The following OR8D4 variants were observed in gnomAD, a reference collection of about 807,000 sequenced individuals.
OR8D4 encodes the protein olfactory receptor 8D4.
For missense variants in OR8D4, 359 were observed against 372.6 expected (o/e 0.96, Z 0.30); for synonymous variants, 141 against 134.8 (o/e 1.05, Z -0.32).
intron 1 of OR8D4, among the ~76,000 whole-genome samples, chr11:123,905,641 C>G (rs1471713932): frequency 2.6e-5 from 4 of 152,108 alleles, no homozygotes; most frequent in African/African-American, 9.7e-5. Context: ...CAGCCTTTGG[C>G]AAATGTGTCA....
chr11:123,907,035 A>G lies in OR8D4; in HGVS notation c.604A>G (p.Ile202Val). Residue 202 changes from isoleucine to valine, a missense_variant, in exon 2 of 2, where the codon ATT becomes GTT. By Grantham distance (29) the Ile-to-Val change is conservative. Coordinates refer to ENST00000641687, the MANE Select transcript of OR8D4 (RefSeq NM_001005197.2). Reference protein sequence around the residue: ...TYIDELLIFVIGGFNMVATSL... With the variant: ...TYIDELLIFVVGGFNMVATSL... ...TATTGATGAGCTTTTGATTTTTGTCATTGGTGGATTTAACATGGTGGCCAC... is the reference window on the plus strand; with the variant it reads ...TATTGATGAGCTTTTGATTTTTGTCGTTGGTGGATTTAACATGGTGGCCAC... 1 of 1,614,086 alleles carries G rather than the reference A, an allele frequency of 6.2e-7. No homozygotes were observed. Among genetic ancestry groups the G allele is most frequent in the Non-Finnish European group, 8.5e-7 (1 of 1,179,948 alleles).
chr11:123,906,635 T>C lies in OR8D4; in HGVS notation c.204T>C (p.Phe68=). The change falls in exon 2 of 2, where the codon TTT becomes TTC. Residue 68 remains phenylalanine, a synonymous_variant. Coordinates refer to ENST00000641687, the MANE Select transcript of OR8D4 (RefSeq NM_001005197.2). ...PMYYFLSSLS[F]LDFCYSSVIT... is the part of the protein sequence containing the mutation. ...ACTATTTCCTGAGTAGTTTGTCTTT[T>C]TTAGATTTCTGCTATTCTTCTGTCA... 1 of 1,613,910 alleles carries C rather than the reference T, an allele frequency of 6.2e-7. No homozygotes were observed. The highest frequency in any genetic ancestry group is 8.5e-7 in the Non-Finnish European group (1 of 1,179,768).
In OR8D4 at chr11:123,907,145, T is replaced by C. The variant is rs1386723875; in HGVS notation, c.714T>C (p.Phe238=). 2 of 1,613,806 alleles carry C rather than the reference T, an allele frequency of 1.2e-6. No homozygotes were observed. Among genetic ancestry groups the C allele is most frequent in the African/African-American group, 1.3e-5 (1 of 74,904 alleles). ...CTAAAAAGGGCAGGTGCAAAGCGTTTAGCACCTGTAGCTCCCACCTGACAG... is the reference window on the plus strand; with the variant it reads ...CTAAAAAGGGCAGGTGCAAAGCGTTCAGCACCTGTAGCTCCCACCTGACAG... The part of the protein sequence containing the change: ...IHSKKGRCKA[F]STCSSHLTAV... The change falls in exon 2 of 2, where the codon TTT becomes TTC. Residue 238 remains phenylalanine, a synonymous_variant. Coordinates refer to ENST00000641687, the MANE Select transcript of OR8D4 (RefSeq NM_001005197.2).
Position 123,907,969 on chromosome 11 carries a change from A to G in OR8D4, c.*593A>G, listed in dbSNP as rs1331662160. On this transcript the variant is annotated 3_prime_UTR_variant, in exon 2 of 2. Transcript: ENST00000641687. ...AATCCAAGCCCAAAAGGAAATCATC[A>G]TCATGGTGTACTGCATAGTCATATC... 2.0e-5 allele frequency: 3 copies of G among 152,138 alleles called. No individual in the cohort carries two copies. Among genetic ancestry groups the G allele is most frequent in the Non-Finnish European group, 2.9e-5 (2 of 68,032 alleles). The allele number at this position is 152,138 out of a possible 1,614,324, so 9.4% of individuals were successfully genotyped here. A position where few individuals can be genotyped will look rare whatever the true frequency, so the allele number is the denominator to read the frequency against.
rs558013874 is a variant in OR8D4 at position 123,907,559 on chromosome 11, A to C, written c.*183A>C. 3 of 340,812 alleles carry C rather than the reference A, an allele frequency of 8.8e-6. No homozygotes were observed. Among genetic ancestry groups the C allele is most frequent in the Non-Finnish European group, 1.6e-5 (3 of 188,648 alleles). 21.1% of individuals were successfully genotyped at this position (340,812 alleles called of 1,614,324 possible). On this transcript the variant is annotated 3_prime_UTR_variant, in exon 2 of 2. Coordinates refer to ENST00000641687, the MANE Select transcript of OR8D4 (RefSeq NM_001005197.2). ...CCGGTGTTCAAGACCAGCCTGGCCAAGATGATGAAACCCCATCACTATTAA... is the reference window on the plus strand; with the variant it reads ...CCGGTGTTCAAGACCAGCCTGGCCACGATGATGAAACCCCATCACTATTAA...
Position 123,906,484 on chromosome 11 carries a change from C to G in OR8D4, c.53C>G (p.Thr18Ser), listed in dbSNP as rs1863199278. 1 of 1,613,280 alleles carries G rather than the reference C, an allele frequency of 6.2e-7. No homozygotes were observed. The highest frequency in any genetic ancestry group is 1.1e-5 in the South Asian group (1 of 90,916). The change falls in exon 2 of 2, where the codon ACT becomes AGT. Residue 18 changes from threonine to serine, a missense_variant. By Grantham distance (58) the Thr-to-Ser change is moderately conservative (BLOSUM62 1). Transcript: ENST00000641687. The part of the protein sequence containing the change: ...TVTEFLLSGL[T>S]EQAELQLPLF... Reference sequence around the variant, plus strand: ...ACTGAGTTTCTTCTTTCAGGATTAACTGAACAAGCAGAGCTTCAGCTGCCC... The same window carrying G: ...ACTGAGTTTCTTCTTTCAGGATTAAGTGAACAAGCAGAGCTTCAGCTGCCC...
At chr11:123,905,307 T>C (rs1348939578) in intron 1 of OR8D4, among the ~76,000 whole-genome samples, 1 of 152,240 alleles carries the variant, frequency 6.6e-6, no homozygotes, top group Non-Finnish European at 1.5e-5. Context: ...TATAGTTTTC[T>C]AAAATACATT....
At chr11:123,903,094 G>A (rs541626729) in intron 1 of OR8D4, among the ~76,000 whole-genome samples, 5 of 151,430 alleles carry the variant, frequency 3.3e-5, no homozygotes, top group Non-Finnish European at 7.4e-5. Context: ...CATTTTTCTT[G>A]TTATTCCCTG....
At chr11:123,904,570 C>G (rs968930640) in intron 1 of OR8D4, among the ~76,000 whole-genome samples, 1 of 152,142 alleles carries the variant, frequency 6.6e-6, no homozygotes, top group Non-Finnish European at 1.5e-5. Context: ...CTGTAACAGG[C>G]AAAGAGCAAT....
At position 123,903,541 on chromosome 11, in the gene OR8D4, A is replaced by G. The variant is rs963426991; in HGVS notation, c.-16+1284A>G. Among the ~76,000 whole-genome samples the G allele has an allele frequency of 3.9e-5, 6 of 152,264 alleles. No individual in the cohort carries two copies. The East Asian group carries it at 5.8e-4, about 15-fold the overall frequency. On this transcript the variant is annotated intron_variant, in intron 1 of 1. Coordinates refer to ENST00000641687, the MANE Select transcript of OR8D4 (RefSeq NM_001005197.2). ...AAAAACACTTTTCTTATGATTTTAA[A>G]TTGCTAAAAACCACCTGAGTCCTGA...
At chr11:123,904,465 T>G (rs1270021014) in intron 1 of OR8D4, among the ~76,000 whole-genome samples, 2 of 152,134 alleles carry the variant, frequency 1.3e-5, no homozygotes, top group Non-Finnish European at 2.9e-5. Flanking sequence ...GCATATAGGT[T>G]TTTTGAACAT....
At position 123,907,087 on chromosome 11, in the gene OR8D4, C is replaced by G. The variant is rs368085019; in HGVS notation, c.656C>G (p.Ala219Gly). Residue 219 changes from alanine to glycine, a missense_variant, in exon 2 of 2, where the codon GCT (alanine) becomes GGT (glycine). Transcript: ENST00000641687. ...AGCCTAACAATCATTATTTCATATG[C>G]TTTTATCCTCACCAGCATCCTGCGC... is the stretch of plus-strand genomic sequence containing the variant. ...ATSLTIIISY[A>G]FILTSILRIH... The G allele has an allele frequency of 1.2e-6, 2 of 1,613,902 alleles. No homozygotes were observed. The highest frequency in any genetic ancestry group is 1.7e-6 in the Non-Finnish European group (2 of 1,179,966).
In OR8D4 at chr11:123,907,485, G is replaced by A. The variant is rs753703590; in HGVS notation, c.*109G>A. 8 of 558,894 alleles carry A rather than the reference G, an allele frequency of 1.4e-5. No homozygotes were observed. Among genetic ancestry groups the A allele is most frequent in the South Asian group, 9.2e-5 (3 of 32,732 alleles). The allele number at this position is 558,894 out of a possible 1,614,324, so 34.6% of individuals were successfully genotyped here. A position where few individuals can be genotyped will look rare whatever the true frequency, so the allele number is the denominator to read the frequency against. ...TTGAGGTCCAGGTACGGTGACTTACGCCTGTAATCCCAGCACTTTGGGAGG... is the reference window on the plus strand; with the variant it reads ...TTGAGGTCCAGGTACGGTGACTTACACCTGTAATCCCAGCACTTTGGGAGG... On this transcript the variant is annotated 3_prime_UTR_variant, in exon 2 of 2. Transcript: ENST00000641687.
At position 123,907,167 on chromosome 11, in the gene OR8D4, A is replaced by T. The variant is rs747207139; in HGVS notation, c.736A>T (p.Thr246Ser). 5 of 1,613,674 alleles carry T rather than the reference A, an allele frequency of 3.1e-6. 1 individual carries two copies. The South Asian group carries it at 4.4e-5, about 14-fold the overall frequency. ...GTTTAGCACCTGTAGCTCCCACCTG[A>T]CAGCTGTTCTTATGTTTTATGGGTC... is the stretch of plus-strand genomic sequence containing the variant. ...KAFSTCSSHL[T>S]AVLMFYGSLM... The change falls in exon 2 of 2, where the codon ACA (threonine) becomes TCA (serine). Residue 246 changes from threonine to serine, a missense_variant. Coordinates refer to ENST00000641687, the MANE Select transcript of OR8D4 (RefSeq NM_001005197.2).
chr11:123,907,443 G>T lies in OR8D4; in HGVS notation c.*67G>T, dbSNP rs776064138. Reference sequence around the variant, plus strand: ...GATTATATGTATATATTTATACCTTGACTATTTAAAAGTAATTTGAGGTCC... The same window carrying T: ...GATTATATGTATATATTTATACCTTTACTATTTAAAAGTAATTTGAGGTCC... On this transcript the variant is annotated 3_prime_UTR_variant, in exon 2 of 2. Transcript: ENST00000641687. 1.7e-5 allele frequency: 12 copies of T among 727,266 alleles called. No homozygotes were observed. The highest frequency in any genetic ancestry group is 3.6e-5 in the African/African-American group (2 of 55,320). The allele number at this position is 727,266 out of a possible 1,614,324, so 45.1% of individuals were successfully genotyped here.
At chr11:123,905,274 T>C (rs1863190885) in intron 1 of OR8D4, among the ~76,000 whole-genome samples, 1 of 152,198 alleles carries the variant, frequency 6.6e-6, no homozygotes. Context: ...AGATTAAAAA[T>C]AGAACAAACA....
rs1863230211 is a variant in OR8D4, at chr11:123,909,195, A to C, written c.*1819A>C. On this transcript the variant is annotated 3_prime_UTR_variant, in exon 2 of 2. Transcript: ENST00000641687. ...TGATTTTAGTTCCAGGAATAGCAGT[A>C]GAAATAAAAAAAAATAGATTCAAGA... is the stretch of plus-strand genomic sequence containing the variant. 1 of 152,174 alleles carries C rather than the reference A, an allele frequency of 6.6e-6. No individual in the cohort carries two copies. The highest frequency in any genetic ancestry group is 6.5e-5 in the Admixed American group (1 of 15,274). 9.4% of individuals were successfully genotyped at this position (152,174 alleles called of 1,614,324 possible). A position where few individuals can be genotyped will look rare whatever the true frequency, so the allele number is the denominator to read the frequency against.
chr11:123,903,752 A>G (rs1863179038), intron 1 of OR8D4, among the ~76,000 whole-genome samples: 1 of 152,190 alleles, frequency 6.6e-6, no homozygotes. Flanking sequence ...AAATGCAAAA[A>G]CAGAATACAA....
chr11:123,905,999 AG>A (rs530526993), intron 1 of OR8D4: 147 of 164,190 alleles, frequency 9.0e-4, no homozygotes, highest in Middle Eastern at 3.2e-3. Flanking sequence ...GTATCTTTGC[AG>A]TCAGCTTCTG....
Sources: gnomAD v4.1 joint callset for allele counts (sites outside exome capture counted in the v4.1 genomes callset) on GRCh38, gnomAD v4.1.1 for gene constraint, MANE v1.5 for transcripts, NCBI Gene and HGNC (gene_info 2026-07-23, HGNC 2026-07-21) for gene names.